The following HCRTR2 variants were observed in gnomAD, a reference collection of about 807,000 sequenced individuals.
HCRTR2 encodes orexin receptor type 2.
A neutral mutation model predicts 49.0 loss-of-function variants in HCRTR2; 22 were observed. The observed-to-expected ratio is 0.45, with a 90% CI of 0.32 to 0.64. HCRTR2 has a LOEUF of 0.64. Ranked by LOEUF, HCRTR2 falls within the 30% of genes least tolerant of loss-of-function variation. The probability of loss-of-function intolerance (pLI) is 0.04; values close to 1 mark genes in which losing one functional copy is unlikely to be tolerated. For missense variants in HCRTR2, 491 were observed against 559.4 expected (o/e 0.88, Z 1.23); for synonymous variants, 236 against 205.3 (o/e 1.15, Z -1.28).
At chr6:55,182,098 A>G (rs903682941) in intron 1 of HCRTR2, among the ~76,000 whole-genome samples, 3 of 152,194 alleles carry the variant, frequency 2.0e-5, no homozygotes, top group African/African-American at 4.8e-5. Context: ...TGCTCATTTA[A>G]CATCTGAGGT....
At chr6:55,147,984 G>A (rs1764617263) in intron 1 of HCRTR2, among the ~76,000 whole-genome samples, 1 of 147,970 alleles carries the variant, frequency 6.8e-6, no homozygotes, top group Non-Finnish European at 1.5e-5. Context: ...AAATCATGAT[G>A]GGAGGTAGAA....
intron 1 of HCRTR2, among the ~76,000 whole-genome samples, chr6:55,145,965 T>G (rs552383464): frequency 3.9e-5 from 6 of 152,298 alleles, no homozygotes; most frequent in African/African-American, 1.4e-4. Flanking sequence ...ATATTCCTTT[T>G]TTTTTTCTCT....
chr6:55,127,305 G>C (rs575054353), intron 1 of HCRTR2, among the ~76,000 whole-genome samples: 2 of 152,072 alleles, frequency 1.3e-5, no homozygotes, highest in South Asian at 2.1e-4. Context: ...AGTTCCTCAC[G>C]GCTCCCTCAG....
At chr6:55,128,621 T>A (rs1463315200) in intron 1 of HCRTR2, among the ~76,000 whole-genome samples, 1 of 152,324 alleles carries the variant, frequency 6.6e-6, no homozygotes, top group East Asian at 1.9e-4. Flanking sequence ...ATAGTTCTTG[T>A]AGAGATCTTT....
chr6:55,190,599 C>T (rs1209856476), intron 1 of HCRTR2, among the ~76,000 whole-genome samples: 4 of 152,002 alleles, frequency 2.6e-5, no homozygotes, highest in Non-Finnish European at 4.4e-5. Flanking sequence ...TTATACATTC[C>T]CCATATATAT....
At chr6:55,248,535 T>A in intron 1 of HCRTR2, 104 bp from the exon 2 acceptor site, 6 of 958,664 alleles carry the variant, frequency 6.3e-6, no homozygotes, top group Non-Finnish European at 1.0e-5. Context: ...ATTATTTTTC[T>A]TTTTAAATAC....
At chr6:55,198,749 G>A (rs770130839) in intron 1 of HCRTR2, among the ~76,000 whole-genome samples, 3 of 152,164 alleles carry the variant, frequency 2.0e-5, no homozygotes, top group Non-Finnish European at 2.9e-5. Context: ...TGTGTGCAGG[G>A]GAGAAGTAGG....
intron 3 of HCRTR2, among the ~76,000 whole-genome samples, chr6:55,260,330 CT>C (rs1414521860): frequency 2.0e-5 from 3 of 152,138 alleles, no homozygotes; most frequent in African/African-American, 4.8e-5. Context: ...TTCAAAGCCT[CT>C]TAGGTGCCTG....
At chr6:55,168,245 G>C (rs899025962) in intron 1 of HCRTR2, among the ~76,000 whole-genome samples, 4 of 152,132 alleles carry the variant, frequency 2.6e-5, no homozygotes, top group Admixed American at 1.3e-4. Flanking sequence ...TCATCCTGAA[G>C]AGTATAACAA....
In HCRTR2 at chr6:55,159,312, C is replaced by T. The variant is rs184189996; in HGVS notation, c.-377-14899C>T. 6.4e-4 allele frequency among the ~76,000 whole-genome samples: 96 copies of T among 150,824 alleles called. 1 individual carries two copies. The highest frequency in any genetic ancestry group is 1.0e-3 in the South Asian group (5 of 4,780). On this transcript the variant is annotated intron_variant, in intron 1 of 7. Transcript: ENST00000615358. ...AAAACAAAAACAAAAACAGCACATC[C>T]GCACAAAAACCCCATCTGAAGGTCA...
chr6:55,117,718 G>A (rs1257197940), intron 1 of HCRTR2, among the ~76,000 whole-genome samples: 1 of 139,026 alleles, frequency 7.2e-6, no homozygotes, highest in Non-Finnish European at 1.5e-5. Context: ...ATTCCACTGT[G>A]TAGAAACTGG....
intron 1 of HCRTR2, among the ~76,000 whole-genome samples, chr6:55,181,075 G>C (rs1406452792): frequency 6.6e-6 from 1 of 151,832 alleles, no homozygotes; most frequent in Non-Finnish European, 1.5e-5. Flanking sequence ...CAAAATGCTG[G>C]GATTGCAGGC....
chr6:55,269,044 C>T (rs1413894606), intron 4 of HCRTR2, among the ~76,000 whole-genome samples: 1 of 143,428 alleles, frequency 7.0e-6, no homozygotes, highest in South Asian at 2.2e-4. Flanking sequence ...GAACAGAGAT[C>T]GTGCCACTGC....
chr6:55,257,098 T>C lies in HCRTR2; in HGVS notation c.646+1719T>C, dbSNP rs993979110. 2.0e-5 allele frequency among the ~76,000 whole-genome samples: 3 copies of C among 152,162 alleles called. No individual in the cohort carries two copies. The East Asian group carries it at 5.8e-4, about 29-fold the overall frequency. ...GCAAGAAAATCCACATCATGGATAC[T>C]ACATTACAAAGCAGAAAGAGTGAAT... On this transcript the variant is annotated intron_variant, in intron 3 of 6. Coordinates refer to ENST00000370862, the MANE Select transcript of HCRTR2 (RefSeq NM_001384272.1).
intron 1 of HCRTR2, among the ~76,000 whole-genome samples, chr6:55,128,736 A>G (rs1764314891): frequency 6.6e-6 from 1 of 152,142 alleles, no homozygotes; most frequent in African/African-American, 2.4e-5. Context: ...TTTAAAAAAG[A>G]TATTTTACAG....
chr6:55,265,177 A>G (rs796093519), intron 4 of HCRTR2, among the ~76,000 whole-genome samples: 11 of 152,278 alleles, frequency 7.2e-5, no homozygotes, highest in African/African-American at 2.6e-4. Context: ...GTGGACCACT[A>G]TAAAATATGA....
chr6:55,204,887 G>A (rs1765574649), intron 1 of HCRTR2, among the ~76,000 whole-genome samples: 1 of 151,942 alleles, frequency 6.6e-6, no homozygotes, highest in Admixed American at 6.6e-5. Context: ...CTGGGCTGAA[G>A]TAATTCTTCT....
chr6:55,148,981 A>G (rs1764629513), intron 1 of HCRTR2, among the ~76,000 whole-genome samples: 1 of 152,050 alleles, frequency 6.6e-6, no homozygotes, highest in Non-Finnish European at 1.5e-5. Flanking sequence ...GTGAACCTAC[A>G]TATTGCCATA....
chr6:55,180,223 C>T (rs1468871903), intron 1 of HCRTR2, among the ~76,000 whole-genome samples: 1 of 152,206 alleles, frequency 6.6e-6, no homozygotes, highest in Non-Finnish European at 1.5e-5. Context: ...CTAACTTACT[C>T]AAAAGTTTAG....
Sources: allele counts gnomAD v4.1 joint callset (sites outside exome capture counted in the v4.1 genomes callset), GRCh38; gene constraint gnomAD v4.1.1; transcripts MANE v1.5; gene names NCBI Gene and HGNC (gene_info 2026-07-23, HGNC 2026-07-21).